INPP5F: variants seen among roughly 807,000 people sequenced by gnomAD.
INPP5F encodes the protein inositol polyphosphate-5-phosphatase F, also known as phosphatidylinositide 4-phosphatase SAC2.
In INPP5F, 97 loss-of-function variants were observed where a neutral mutation model predicts 137.2. The ratio of observed to expected loss-of-function variants is 0.71; its 90% confidence interval spans 0.60 to 0.84. INPP5F has a LOEUF of 0.84. Among genes scored for constraint, INPP5F ranks in the 40% least tolerant of loss-of-function variants. INPP5F has a pLI of 0.00. For synonymous variants in INPP5F, 504 were observed against 476.9 expected (o/e 1.06, Z -0.74); for missense variants, 1,271 against 1,371.9 (o/e 0.93, Z 1.16).
At chr10:119,789,221 G>A (rs535113739) in intron 3 of INPP5F, among the ~76,000 whole-genome samples, 3 of 144,676 alleles carry the variant, frequency 2.1e-5, no homozygotes, top group Non-Finnish European at 4.5e-5. Flanking sequence ...GCGAAACTCT[G>A]TCTCAAAAAA....
chr10:119,827,622 G>A lies in INPP5F; in HGVS notation c.3241G>A (p.Val1081Ile). 1.2e-6 allele frequency: 2 copies of A among 1,614,138 alleles called. No individual in the cohort carries two copies. Among genetic ancestry groups the A allele is most frequent in the Non-Finnish European group, 1.7e-6 (2 of 1,180,028 alleles). Residue 1081 changes from valine to isoleucine, a missense_variant, in exon 20 of 20, where the codon GTT (valine) becomes ATT (isoleucine). Physicochemically the swap from Val to Ile is conservative, Grantham distance 29. Around this residue, in one of 6 missense-constraint regions of INPP5F, gnomAD observed 490 missense variants for 443.7 expected, o/e 1.10. Coordinates refer to ENST00000650623, the MANE Select transcript of INPP5F (RefSeq NM_014937.4). ...CAAGATTCGAAGTTCCATGGTCCAG[G>A]TTGCTAGTATTACCCAAGCTGGATT... ...FAKIRSSMVQ[V>I]ASITQAGLTH...
chr10:119,746,321 C>G (rs1221115764), intron 1 of INPP5F, among the ~76,000 whole-genome samples: 1 of 152,136 alleles, frequency 6.6e-6, no homozygotes, highest in Non-Finnish European at 1.5e-5. Flanking sequence ...TCTGTTTTTT[C>G]CTTCCTTTTC....
At chr10:119,793,467 T>C (rs756487416) in intron 6 of INPP5F, 1 of 152,434 alleles carries the variant, frequency 6.6e-6, no homozygotes, top group Non-Finnish European at 1.5e-5. Context: ...TGTTTGGTGA[T>C]GGAAGAAGAG....
At chr10:119,742,355 A>G (rs987774473) in intron 1 of INPP5F, among the ~76,000 whole-genome samples, 2 of 151,740 alleles carry the variant, frequency 1.3e-5, no homozygotes, top group East Asian at 1.9e-4. Context: ...ACAGGGTTTC[A>G]CCATCTTGGC....
intron 1 of INPP5F, among the ~76,000 whole-genome samples, chr10:119,740,122 T>G (rs531841053): frequency 1.3e-5 from 2 of 152,368 alleles, no homozygotes; most frequent in South Asian, 4.1e-4. Context: ...TATATTCTTC[T>G]GTAGTTTCCC....
In INPP5F at chr10:119,810,196, G is replaced by T. The variant is rs887453799; in HGVS notation, c.1666G>T (p.Ala556Ser). 1 of 1,603,966 alleles carries T rather than the reference G, an allele frequency of 6.2e-7. No homozygotes were observed. The highest frequency in any genetic ancestry group is 1.3e-5 in the African/African-American group (1 of 74,690). The change falls in exon 14 of 20, where the codon GCT becomes TCT. Residue 556 changes from alanine (A) to serine (S), a missense_variant. This residue lies in a region of INPP5F where 593 missense variants were observed against 712.4 expected (regional missense o/e 0.83). Transcript: ENST00000650623. ...ATATTACCTCAACCGATTTAAGGAT[G>T]CTTATAGGCAAGCTGTTATAGGTAA... ...NRYYLNRFKD[A>S]YRQAVIDLMQ... is the part of the protein sequence containing the mutation.
chr10:119,826,485 A>C (rs1554897498), intron 19 of INPP5F, 146 bp from the exon 20 acceptor site: 7 of 655,648 alleles, frequency 1.1e-5, no homozygotes, highest in African/African-American at 3.6e-5. Flanking sequence ...TTTAATGTCA[A>C]CTCTGAGGGT....
In INPP5F at chr10:119,827,436, T is replaced by A. The variant is rs1031721238; in HGVS notation, c.3055T>A (p.Ser1019Thr). The A allele has an allele frequency of 6.8e-6, 11 of 1,614,088 alleles. No individual in the cohort carries two copies. In the Middle Eastern group the frequency reaches 8.2e-4, roughly 121 times the overall value. Residue 1019 changes from serine to threonine, a missense_variant, in exon 20 of 20, where the codon TCT (serine) becomes ACT (threonine). Physicochemically the swap from Ser to Thr is moderately conservative, Grantham distance 58. Around this residue, in one of 6 missense-constraint regions of INPP5F, gnomAD observed 490 missense variants for 443.7 expected, o/e 1.10. Coordinates refer to ENST00000650623, the MANE Select transcript of INPP5F (RefSeq NM_014937.4). ...GCCATCGCAATTAGATGTCTCTCTT[T>A]CTGCAACAGGCCCACAGTTTTTGTC... ...SRPSQLDVSL[S>T]ATGPQFLSVE...
Position 119,827,405 on chromosome 10 carries a change from T to A in INPP5F, c.3024T>A (p.Pro1008=), listed in dbSNP as rs760713771. Residue 1008 remains proline (P), a synonymous_variant, in exon 20 of 20, where the codon CCT becomes CCA. Transcript: ENST00000650623. The stretch of plus-strand genomic sequence containing the variant: ...AATCAGAATCAACAGAACAGACACC[T>A]TCTCGGCCATCGCAATTAGATGTCT... ...ETQSESTEQT[P]SRPSQLDVSL... is the part of the protein sequence containing the mutation. 51 of 1,614,032 alleles carry A rather than the reference T, an allele frequency of 3.2e-5. 1 individual carries two copies. The highest frequency in any genetic ancestry group is 1.3e-5 in the African/African-American group (1 of 74,908).
At chr10:119,778,492 T>C (rs1304955872) in intron 2 of INPP5F, among the ~76,000 whole-genome samples, 1 of 152,138 alleles carries the variant, frequency 6.6e-6, no homozygotes. Context: ...CTATTTTTTG[T>C]TTAATTAAAA....
In INPP5F at chr10:119,748,973, C is replaced by T. The variant is rs1052448976; in HGVS notation, c.98-2103C>T. Among the ~76,000 whole-genome samples, 13 of 152,276 alleles carry T rather than the reference C, an allele frequency of 8.5e-5. No individual in the cohort carries two copies. In the East Asian group the frequency reaches 2.3e-3, roughly 27 times the overall value. ...TGGAGCTGCCCTCACCCCTGCTGGC[C>T]TCTCTCCCACGCTTATCGGCACCCG... On this transcript the variant is annotated intron_variant, in intron 1 of 19. Coordinates refer to ENST00000650623, the MANE Select transcript of INPP5F (RefSeq NM_014937.4). This position sits in a 1 kb window ranked among gnomAD's most constrained non-coding sequence, Gnocchi z 4.7.
chr10:119,819,554 G>T (rs1244223245), intron 15 of INPP5F: 6 of 1,585,778 alleles, frequency 3.8e-6, no homozygotes, highest in Admixed American at 1.7e-5. Flanking sequence ...GTATCAACGC[G>T]TAAAACTTAA....
At position 119,823,905 on chromosome 10, in the gene INPP5F, G is replaced by A; in HGVS notation, c.2249+3G>A. 6.2e-7 allele frequency: 1 copy of A among 1,601,660 alleles called. No individual in the cohort carries two copies. Among genetic ancestry groups the A allele is most frequent in the Non-Finnish European group, 8.6e-7 (1 of 1,169,448 alleles). ...ATAATTGAGAAGAAACTTGAGAGGTGAGTATACTGCTTCTCTCAAGAATAA... is the reference window on the plus strand; with the variant it reads ...ATAATTGAGAAGAAACTTGAGAGGTAAGTATACTGCTTCTCTCAAGAATAA... On this transcript the variant is annotated splice_donor_region_variant and intron_variant, in intron 19 of 19. Transcript: ENST00000650623.
chr10:119,800,815 T>G (rs952728749), intron 9 of INPP5F, among the ~76,000 whole-genome samples: 12 of 151,780 alleles, frequency 7.9e-5, no homozygotes, highest in African/African-American at 2.9e-4. Flanking sequence ...CTGGGCACGG[T>G]GGGATGCACC....
In INPP5F at chr10:119,749,892, C is replaced by T. The variant is rs138101979; in HGVS notation, c.98-1184C>T. On this transcript the variant is annotated intron_variant, in intron 1 of 19. Coordinates refer to ENST00000650623, the MANE Select transcript of INPP5F (RefSeq NM_014937.4). ...CTCCTAGGTTCAAGTGATTCTCCTG[C>T]CTCAGCCTCCTGAGTAGCTGGGACT... 4.5e-3 allele frequency among the ~76,000 whole-genome samples: 685 copies of T among 152,316 alleles called. 9 individuals are homozygous for T. The highest frequency in any genetic ancestry group is 0.017 in the Middle Eastern group (5 of 294).
At chr10:119,775,574 A>G (rs1849497325) in intron 2 of INPP5F, among the ~76,000 whole-genome samples, 2 of 152,176 alleles carry the variant, frequency 1.3e-5, no homozygotes, top group South Asian at 2.1e-4. Context: ...CTCAAATAGA[A>G]TTCTAACTCA....
At chr10:119,794,062 G>A (rs534724267) in intron 6 of INPP5F, among the ~76,000 whole-genome samples, 7 of 151,546 alleles carry the variant, frequency 4.6e-5, no homozygotes, top group East Asian at 1.9e-4. Context: ...GGTGTTTCTC[G>A]CAGAGGGGGA....
intron 3 of INPP5F, among the ~76,000 whole-genome samples, chr10:119,789,177 A>G (rs567709307): frequency 9.6e-4 from 146 of 151,748 alleles, no homozygotes; most frequent in Non-Finnish European, 1.2e-3. Flanking sequence ...GTGAGCCGAA[A>G]CTGCGCCATT....
chr10:119,790,137 A>C (rs1850086205), intron 3 of INPP5F, among the ~76,000 whole-genome samples: 1 of 151,948 alleles, frequency 6.6e-6, no homozygotes, highest in Non-Finnish European at 1.5e-5. Context: ...AGAGGACAGC[A>C]GTGGCTGAGG....
Sources: gnomAD v4.1 joint callset for allele counts (sites outside exome capture counted in the v4.1 genomes callset) on GRCh38, gnomAD v4.1.1 for gene constraint, gnomAD v4.1.1 regional missense constraint, Gnocchi (gnomAD v3.1) non-coding constraint, MANE v1.5 for transcripts, NCBI Gene and HGNC (gene_info 2026-07-23, HGNC 2026-07-21) for gene names.